Variants in GPHN observed in about 807,000 individuals in gnomAD.
GPHN encodes gephyrin.
GPHN carries 17 observed loss-of-function variants against 95.5 expected under a neutral mutation model. The observed-to-expected ratio is 0.18, with a 90% confidence interval of 0.12 to 0.27. GPHN has a LOEUF of 0.27. Among genes scored for constraint, GPHN ranks in the 10% least tolerant of loss-of-function variants. The pLI, the probability that GPHN is intolerant of heterozygous loss-of-function variation, is 1.00. For missense variants in GPHN, 660 were observed against 978.1 expected (o/e 0.67, Z 4.34); for synonymous variants, 320 against 322.5 (o/e 0.99, Z 0.08).
At chr14:67,139,629 A>C (rs2153702734) in intron 17 of GPHN, among the ~76,000 whole-genome samples, 1 of 152,330 alleles carries the variant, frequency 6.6e-6, no homozygotes, top group South Asian at 2.1e-4. Context: ...TGAGCATAGT[A>C]ATACCTTTTC....
chr14:67,391,271 A>ATGTG, the GPHN span, among the ~76,000 whole-genome samples: 1,890 of 143,888 alleles, frequency 0.013, 31 homozygotes, highest in East Asian at 0.047. Flanking sequence ...AGCAGCTGAT[A>ATGTG]TGTGTGTGTG....
At chr14:66,563,157 A>C (rs1188939442) in intron 1 of GPHN, among the ~76,000 whole-genome samples, 1 of 150,798 alleles carries the variant, frequency 6.6e-6, no homozygotes, top group East Asian at 2.1e-4. Flanking sequence ...AATGCTCTAG[A>C]CCTCTCAAAT....
intron 4 of GPHN, among the ~76,000 whole-genome samples, chr14:66,850,133 T>G: frequency 6.6e-6 from 1 of 152,136 alleles, no homozygotes; most frequent in East Asian, 1.9e-4. Context: ...CTTATTGAAC[T>G]TCAGTAATGT....
At chr14:66,772,853 A>G (rs544008112) in intron 2 of GPHN, among the ~76,000 whole-genome samples, 13 of 152,334 alleles carry the variant, frequency 8.5e-5, no homozygotes, top group African/African-American at 2.6e-4. Flanking sequence ...GGTCTTTAAA[A>G]CCGTCCCCTT....
intron 4 of GPHN, among the ~76,000 whole-genome samples, chr14:66,872,906 AG>A (rs2063500724): frequency 1.3e-5 from 2 of 151,366 alleles, no homozygotes; most frequent in East Asian, 3.9e-4. Context: ...AAAAAAAAAA[AG>A]GGTGCCCTAT....
At chr14:66,917,046 TAA>T (rs1010132546) in intron 6 of GPHN, among the ~76,000 whole-genome samples, 10 of 152,178 alleles carry the variant, frequency 6.6e-5, no homozygotes, top group African/African-American at 1.4e-4. Flanking sequence ...AATTTTGTAT[TAA>T]GTTACTAATT....
intron 18 of GPHN, among the ~76,000 whole-genome samples, chr14:67,150,449 A>AAAAAAAAAC (rs1567410504): frequency 7.1e-6 from 1 of 139,978 alleles, no homozygotes; most frequent in African/African-American, 2.7e-5. Flanking sequence ...TCAAAAAAAA[A>AAAAAAAAAC]AAACAAAAAA....
chr14:66,959,427 C>T (rs973768369), intron 8 of GPHN, among the ~76,000 whole-genome samples: 1 of 151,970 alleles, frequency 6.6e-6, no homozygotes, highest in African/African-American at 2.4e-5. Context: ...GAAGACCTCC[C>T]TTTAGAATTT....
chr14:66,609,031 TAGCTGGTTGTTTTGTAG>T (rs1336183153), intron 1 of GPHN, among the ~76,000 whole-genome samples: 1 of 152,144 alleles, frequency 6.6e-6, no homozygotes, highest in Non-Finnish European at 1.5e-5. Flanking sequence ...ATTGTGTTTT[TAGCTGGTTGTTTTGTAG>T]AGTTGTTTGC....
chr14:66,803,503 A>AT (rs2060433702), intron 3 of GPHN, among the ~76,000 whole-genome samples: 2 of 152,122 alleles, frequency 1.3e-5, no homozygotes, highest in Admixed American at 1.3e-4. Flanking sequence ...TTGTTCCACC[A>AT]TCTCACTCCA....
the GPHN span, among the ~76,000 whole-genome samples, chr14:67,299,650 G>A: frequency 1.6e-4 from 25 of 152,266 alleles, no homozygotes; most frequent in African/African-American, 3.1e-4. Flanking sequence ...CCTTAACACC[G>A]TTGTAGAAGT....
At chr14:66,642,535 C>T (rs2064475865) in intron 1 of GPHN, among the ~76,000 whole-genome samples, 1 of 150,486 alleles carries the variant, frequency 6.6e-6, no homozygotes, top group Admixed American at 6.7e-5. Flanking sequence ...AGTACGAGCT[C>T]AGCAGGCAGA....
chr14:67,722,294 C>A, the GPHN span: 1 of 392,826 alleles, frequency 2.5e-6, no homozygotes, highest in Non-Finnish European at 4.8e-6. Flanking sequence ...GTTGGGAGAA[C>A]ACATTTCCTA....
the GPHN span, among the ~76,000 whole-genome samples, chr14:67,632,967 C>T: frequency 2.6e-5 from 4 of 151,472 alleles, no homozygotes; most frequent in East Asian, 1.9e-4. Flanking sequence ...ACTACAGGCG[C>T]CCGCCACCAC....
chr14:66,563,504 G>A (rs932529766), intron 1 of GPHN, among the ~76,000 whole-genome samples: 9 of 152,050 alleles, frequency 5.9e-5, no homozygotes, highest in African/African-American at 1.7e-4. Context: ...GCTCATTTGA[G>A]CATTCACATG....
chr14:67,160,830 G>A (rs2081935173), intron 19 of GPHN, among the ~76,000 whole-genome samples: 1 of 152,218 alleles, frequency 6.6e-6, no homozygotes, highest in African/African-American at 2.4e-5. Flanking sequence ...TTCTAGGATA[G>A]AGATCAGGCT....
chr14:67,548,135 G>A, the GPHN span, among the ~76,000 whole-genome samples: 2 of 152,154 alleles, frequency 1.3e-5, no homozygotes, highest in African/African-American at 4.8e-5. Flanking sequence ...AGCCACAAAG[G>A]CTATTCAGAC....
At chr14:66,788,543 C>T (rs1395249475) in intron 3 of GPHN, among the ~76,000 whole-genome samples, 1 of 152,202 alleles carries the variant, frequency 6.6e-6, no homozygotes, top group Non-Finnish European at 1.5e-5. Flanking sequence ...AGAAAGCTAA[C>T]ATCATTTCAC....
the GPHN span, among the ~76,000 whole-genome samples, chr14:67,316,207 A>T: frequency 1.3e-5 from 2 of 152,350 alleles, no homozygotes; most frequent in Admixed American, 1.3e-4. Flanking sequence ...GTCGGAAAAG[A>T]AAACCTCTTT....
Sources: allele counts gnomAD v4.1 joint callset (sites outside exome capture counted in the v4.1 genomes callset), GRCh38; gene constraint gnomAD v4.1.1; transcripts MANE v1.5; gene names NCBI Gene and HGNC (gene_info 2026-07-23, HGNC 2026-07-21).